Variants in CSPP1 observed in about 807,000 individuals in gnomAD.
CSPP1 encodes the protein centrosome and spindle pole-associated protein 1.
A neutral mutation model predicts 164.4 loss-of-function variants in CSPP1; 126 were observed. The observed-to-expected ratio is 0.77, with a 90% CI of 0.66 to 0.89. CSPP1 has a LOEUF of 0.89. Ranked by LOEUF, CSPP1 falls within the 40% of genes least tolerant of loss-of-function variation. The pLI is 0.00. For missense variants in CSPP1, 1,395 were observed against 1,449.8 expected (o/e 0.96, Z 0.61); for synonymous variants, 472 against 476.7 (o/e 0.99, Z 0.13).
chr8:67,112,787 C>G (rs754838340), intron 10 of CSPP1, among the ~76,000 whole-genome samples: 1 of 151,902 alleles, frequency 6.6e-6, no homozygotes, highest in Non-Finnish European at 1.5e-5. Context: ...AAACTGGCAC[C>G]CTGCTCAAAA....
intron 27 of CSPP1, among the ~76,000 whole-genome samples, chr8:67,178,232 G>A (rs1020057671): frequency 1.3e-5 from 2 of 152,186 alleles, no homozygotes; most frequent in African/African-American, 4.8e-5. Flanking sequence ...AGTAGTGGGA[G>A]TAGGAGTCTG....
intron 16 of CSPP1, 121 bp from the exon 17 acceptor site, chr8:67,137,333 GAA>G (rs34987713): frequency 6.4e-4 from 336 of 521,008 alleles, no homozygotes; most frequent in South Asian, 1.3e-3. Flanking sequence ...GTACACTGGG[GAA>G]AAAAAAAAAA....
intron 24 of CSPP1, among the ~76,000 whole-genome samples, chr8:67,168,225 G>A (rs1337447520): frequency 6.6e-6 from 1 of 151,760 alleles, no homozygotes; most frequent in African/African-American, 2.4e-5. Context: ...CAGGGAGGTT[G>A]CAGTGAGCCG....
intron 1 of CSPP1, among the ~76,000 whole-genome samples, chr8:67,073,092 G>A (rs1017509445): frequency 8.6e-5 from 13 of 151,862 alleles, no homozygotes; most frequent in Non-Finnish European, 1.9e-4. Flanking sequence ...AAAATATCAC[G>A]CCCTGGCAAG....
intron 3 of CSPP1, among the ~76,000 whole-genome samples, chr8:67,078,386 G>A (rs536250897): frequency 6.6e-6 from 1 of 152,034 alleles, no homozygotes; most frequent in East Asian, 1.9e-4. Context: ...TTGTCGCCCA[G>A]GCTGGAGTGC....
At chr8:67,099,870 T>C (rs1813662787) in intron 7 of CSPP1, among the ~76,000 whole-genome samples, 1 of 152,168 alleles carries the variant, frequency 6.6e-6, no homozygotes, top group Non-Finnish European at 1.5e-5. Context: ...TAGTTTGTCT[T>C]TTCAGCTTAA....
intron 7 of CSPP1, among the ~76,000 whole-genome samples, chr8:67,096,605 T>G (rs1812849866): frequency 1.4e-5 from 2 of 147,480 alleles, no homozygotes; most frequent in Non-Finnish European, 3.0e-5. Context: ...TGCCTCACGC[T>G]TGTAATCCCT....
At chr8:67,089,580 A>G (rs1339153648) in intron 4 of CSPP1, among the ~76,000 whole-genome samples, 1 of 151,886 alleles carries the variant, frequency 6.6e-6, no homozygotes, top group African/African-American at 2.4e-5. Context: ...CTGTATAATT[A>G]CTCCTCATTA....
At chr8:67,090,695 C>T (rs1811435882) in intron 4 of CSPP1, among the ~76,000 whole-genome samples, 1 of 152,208 alleles carries the variant, frequency 6.6e-6, no homozygotes, top group Admixed American at 6.5e-5. Context: ...TATTTGCTTA[C>T]ATGTCTGTTT....
chr8:67,125,716 T>C (rs1265912140), intron 15 of CSPP1, among the ~76,000 whole-genome samples: 1 of 152,252 alleles, frequency 6.6e-6, no homozygotes, highest in Non-Finnish European at 1.5e-5. Context: ...TCGAATGTGC[T>C]CTTGGCTCCC....
chr8:67,154,737 G>A (rs969450347), intron 19 of CSPP1, among the ~76,000 whole-genome samples: 4 of 152,142 alleles, frequency 2.6e-5, no homozygotes, highest in Non-Finnish European at 4.4e-5. Flanking sequence ...CTGACCTCAA[G>A]TGATCTGCCT....
chr8:67,179,815 T>C, intron 27 of CSPP1, 48 bp from the exon 28 acceptor site: 5 of 1,335,116 alleles, frequency 3.7e-6, no homozygotes, highest in Non-Finnish European at 5.4e-6. Flanking sequence ...TTTGTTGTTT[T>C]TGTACACAAA....
At chr8:67,185,973 T>C (rs974419091) in intron 28 of CSPP1, among the ~76,000 whole-genome samples, 7 of 152,074 alleles carry the variant, frequency 4.6e-5, no homozygotes, top group Non-Finnish European at 8.8e-5. Context: ...AAAGCAAAAA[T>C]GCAAGCAAGT....
chr8:67,190,803 A>G (rs747931153), intron 29 of CSPP1, 44 bp downstream of exon 29: 1 of 1,412,496 alleles, frequency 7.1e-7, no homozygotes, highest in Non-Finnish European at 1.0e-6. Context: ...TAGAAGAATG[A>G]GAGGTCTGGG....
chr8:67,193,141 GAT>G (rs1198860806), intron 29 of CSPP1, among the ~76,000 whole-genome samples: 1 of 151,838 alleles, frequency 6.6e-6, no homozygotes, highest in Non-Finnish European at 1.5e-5. Context: ...TTTTTTTTGA[GAT>G]AGAGTCTCTG....
intron 24 of CSPP1, among the ~76,000 whole-genome samples, chr8:67,171,682 G>T (rs924683394): frequency 1.3e-5 from 2 of 151,944 alleles, no homozygotes; most frequent in Admixed American, 1.3e-4. Flanking sequence ...CGAGTAGGTG[G>T]TACTACAGGC....
At chr8:67,154,720 C>T (rs951448895) in intron 19 of CSPP1, among the ~76,000 whole-genome samples, 6 of 152,206 alleles carry the variant, frequency 3.9e-5, no homozygotes, top group East Asian at 3.9e-4. Flanking sequence ...AGGCTGGTCT[C>T]GAACTACTGA....
chr8:67,105,896 T>C lies in CSPP1; in HGVS notation c.1023-9T>C, dbSNP rs1161675884. 15 of 1,494,956 alleles carry C rather than the reference T, an allele frequency of 1.0e-5. No individual in the cohort carries two copies. The Admixed American group carries it at 1.9e-4, about 19-fold the overall frequency. 92.6% of individuals were successfully genotyped at this position (1,494,956 alleles called of 1,614,324 possible). ...AATTTACTCTTTTTCTCTGTCTTTT[T>C]TTCTTTAGTGCTCCAGACAATGAAA... On this transcript the variant is annotated splice_polypyrimidine_tract_variant and intron_variant, in intron 8 of 30. Coordinates refer to ENST00000678616, the MANE Select transcript of CSPP1 (RefSeq NM_001382391.1).
intron 10 of CSPP1, among the ~76,000 whole-genome samples, chr8:67,113,012 G>A (rs868262359): frequency 2.6e-5 from 4 of 152,166 alleles, no homozygotes; most frequent in Non-Finnish European, 4.4e-5. Context: ...TTCGGAGGCC[G>A]AGGTGGGTGG....
Sources: gnomAD v4.1 joint callset for allele counts (sites outside exome capture counted in the v4.1 genomes callset) on GRCh38, gnomAD v4.1.1 for gene constraint, MANE v1.5 for transcripts, NCBI Gene and HGNC (gene_info 2026-07-23, HGNC 2026-07-21) for gene names.